The following PRKG1 variants were observed in gnomAD, a reference collection of about 807,000 sequenced individuals.
PRKG1 encodes the protein cGMP-dependent protein kinase 1.
PRKG1 carries 35 observed loss-of-function variants against 88.1 expected under a neutral mutation model. The observed-to-expected ratio is 0.40, with a 90% CI of 0.30 to 0.53. The LOEUF (loss-of-function observed/expected upper bound fraction) is 0.53. Ranked by LOEUF, PRKG1 falls within the 20% of genes least tolerant of loss-of-function variation. The probability of loss-of-function intolerance (pLI) is 0.59; values close to 1 mark genes in which losing one functional copy is unlikely to be tolerated. For synonymous variants in PRKG1, 303 were observed against 292.5 expected, an observed-to-expected ratio of 1.04 and a Z score of -0.37; for missense variants, 540 against 839.8, an observed-to-expected ratio of 0.64 and a Z score of 4.41.
At chr10:52,032,347 G>T (rs1458735415) in intron 5 of PRKG1, among the ~76,000 whole-genome samples, 4 of 152,136 alleles carry the variant, frequency 2.6e-5, no homozygotes, top group Non-Finnish European at 4.4e-5. Context: ...AAGTTTACCT[G>T]CTGGGTGCTC....
chr10:51,376,599 C>A (rs1290721624), intron 2 of PRKG1, among the ~76,000 whole-genome samples: 1 of 152,128 alleles, frequency 6.6e-6, no homozygotes, highest in Non-Finnish European at 1.5e-5. Flanking sequence ...AGGACATTAA[C>A]ATTTTATGAA....
In PRKG1 at chr10:50,991,705, C is replaced by T. The variant is rs1212248330; in HGVS notation, c.266+61C>T. 1 of 1,173,010 alleles carries T rather than the reference C, an allele frequency of 8.5e-7. No individual in the cohort carries two copies. The highest frequency in any genetic ancestry group is 1.1e-6 in the Non-Finnish European group (1 of 944,580). The allele number at this position is 1,173,010 out of a possible 1,614,324, so 72.7% of individuals were successfully genotyped here. The stretch of plus-strand genomic sequence containing the variant: ...CGGCCCGCGGCGCAGAGGCTGGGGG[C>T]TCTGGCCGCGGCGGCGGGGGCGGGT... On this transcript the variant is annotated intron_variant, in intron 1 of 17. Coordinates refer to the PRKG1 transcript ENST00000401604. The surrounding 1 kb of genome is among the most constrained non-coding windows in gnomAD (Gnocchi z 4.5).
intron 2 of PRKG1, among the ~76,000 whole-genome samples, chr10:51,204,006 G>A (rs1837978584): frequency 6.6e-6 from 1 of 152,154 alleles, no homozygotes; most frequent in Non-Finnish European, 1.5e-5. Context: ...TAAGAAATAG[G>A]AAAGAAAAGA....
intron 2 of PRKG1, among the ~76,000 whole-genome samples, chr10:51,235,362 C>T (rs985238633): frequency 2.6e-5 from 4 of 152,128 alleles, no homozygotes; most frequent in African/African-American, 9.7e-5. Flanking sequence ...AGGTTTAAGT[C>T]ACTGTCAGGC....
chr10:51,761,627 G>A (rs1322234540), intron 3 of PRKG1, among the ~76,000 whole-genome samples: 1 of 152,210 alleles, frequency 6.6e-6, no homozygotes, highest in Non-Finnish European at 1.5e-5. Flanking sequence ...AGTTGTGAAA[G>A]CCATTGAATG....
At chr10:51,206,303 A>T (rs964815704) in intron 2 of PRKG1, among the ~76,000 whole-genome samples, 1 of 151,960 alleles carries the variant, frequency 6.6e-6, no homozygotes, top group Non-Finnish European at 1.5e-5. Context: ...CAGCCTGGCC[A>T]AGATGGTGAA....
intron 10 of PRKG1, among the ~76,000 whole-genome samples, chr10:52,253,210 T>G (rs1032941984): frequency 6.6e-6 from 1 of 151,792 alleles, no homozygotes; most frequent in African/African-American, 2.4e-5. Flanking sequence ...CGAAGGACAA[T>G]AAAACTACTA....
chr10:51,204,125 T>G (rs1191658766), intron 2 of PRKG1, among the ~76,000 whole-genome samples: 6 of 152,240 alleles, frequency 3.9e-5, no homozygotes, highest in Admixed American at 3.9e-4. Context: ...GAAATTCATT[T>G]CCCCCTCTTT....
intron 2 of PRKG1, among the ~76,000 whole-genome samples, chr10:51,401,854 G>A (rs1837748442): frequency 6.6e-6 from 1 of 152,100 alleles, no homozygotes; most frequent in African/African-American, 2.4e-5. Flanking sequence ...TCTCCTTTCT[G>A]AGTCACTAGC....
At chr10:51,942,860 G>T (rs1459552649) in intron 5 of PRKG1, among the ~76,000 whole-genome samples, 1 of 150,592 alleles carries the variant, frequency 6.6e-6, no homozygotes, top group Non-Finnish European at 1.5e-5. Context: ...CTGTAGCCTT[G>T]TAGTATAGTT....
intron 10 of PRKG1, among the ~76,000 whole-genome samples, chr10:52,268,037 G>A (rs969075895): frequency 1.3e-5 from 2 of 152,022 alleles, no homozygotes; most frequent in African/African-American, 4.8e-5. Flanking sequence ...CACACCAGTG[G>A]TCCTCAGGTA....
chr10:51,940,188 G>A (rs1467136582), intron 5 of PRKG1, among the ~76,000 whole-genome samples: 1 of 151,636 alleles, frequency 6.6e-6, no homozygotes, highest in Non-Finnish European at 1.5e-5. Flanking sequence ...TTTGGTTGGA[G>A]TGAAAAATAA....
rs1373548882 is a variant in PRKG1 at position 51,858,109 on chromosome 10, CAT to C, written c.699-49390_699-49389del. 7.1e-5 allele frequency among the ~76,000 whole-genome samples: 4 copies of C among 56,160 alleles called. 1 individual carries two copies. Among genetic ancestry groups the C allele is most frequent in the Admixed American group, 6.2e-4 (2 of 3,220 alleles). 36.8% of individuals were successfully genotyped at this position (56,160 alleles called of 152,430 possible). On this transcript the variant is annotated intron_variant, in intron 4 of 17. Transcript: ENST00000373980. ...ATATATTATATATATACATATTATA[CAT>C]ATATATAATATATATTATATATATA...
intron 3 of PRKG1, among the ~76,000 whole-genome samples, chr10:51,515,223 G>T (rs961264987): frequency 6.6e-6 from 1 of 152,078 alleles, no homozygotes; most frequent in African/African-American, 2.4e-5. Flanking sequence ...ACAAAATAGG[G>T]AATCAGCAGT....
intron 3 of PRKG1, among the ~76,000 whole-genome samples, chr10:51,784,364 T>C (rs1163994816): frequency 6.6e-6 from 1 of 152,242 alleles, no homozygotes; most frequent in African/African-American, 2.4e-5. Context: ...CATATGTAGC[T>C]GTCCCACTGG....
chr10:51,153,314 G>T lies in PRKG1; in HGVS notation c.462G>T (p.Leu154=). ...TCAAAGAAGGAGACGTGGGGTCACT[G>T]GTGTATGTCATGGAAGGTACGGTTT... ...CIIKEGDVGS[L]VYVMEDGKVE... The change falls in exon 2 of 18, where the codon CTG becomes CTT. Residue 154 remains leucine, a synonymous_variant. Coordinates refer to ENST00000373980, the MANE Select transcript of PRKG1 (RefSeq NM_006258.4). The T allele has an allele frequency of 2.5e-6, 4 of 1,608,828 alleles. No individual in the cohort carries two copies. Among genetic ancestry groups the T allele is most frequent in the Non-Finnish European group, 3.4e-6 (4 of 1,177,040 alleles).
chr10:51,597,252 C>G (rs547239492), intron 3 of PRKG1, among the ~76,000 whole-genome samples: 1 of 151,830 alleles, frequency 6.6e-6, no homozygotes, highest in African/African-American at 2.4e-5. Flanking sequence ...AAAAGAATTC[C>G]CTTTAATTCA....
At chr10:52,210,112 A>G (rs1331766993) in intron 9 of PRKG1, among the ~76,000 whole-genome samples, 2 of 152,178 alleles carry the variant, frequency 1.3e-5, no homozygotes, top group East Asian at 1.9e-4. Flanking sequence ...CCTATTCTGC[A>G]ATCCCTATTT....
At chr10:51,321,816 C>T (rs910529144) in intron 2 of PRKG1, among the ~76,000 whole-genome samples, 3 of 152,078 alleles carry the variant, frequency 2.0e-5, no homozygotes, top group Admixed American at 1.3e-4. Context: ...ACCCTACTTA[C>T]CCTGATGTGA....
Sources: gnomAD v4.1 joint callset for allele counts (sites outside exome capture counted in the v4.1 genomes callset) on GRCh38, gnomAD v4.1.1 for gene constraint, Gnocchi (gnomAD v3.1) non-coding constraint, MANE v1.5 for transcripts, NCBI Gene and HGNC (gene_info 2026-07-23, HGNC 2026-07-21) for gene names.